The following CSMD2 variants were observed in gnomAD, a reference collection of about 807,000 sequenced individuals.
CSMD2 encodes the protein CUB and sushi domain-containing protein 2.
Under a neutral mutation model 398.5 loss-of-function variants are expected in CSMD2, and 130 were observed. The ratio of observed to expected loss-of-function variants is 0.33; its 90% CI spans 0.28 to 0.38. The LOEUF (loss-of-function observed/expected upper bound fraction) is 0.38, where lower values mean the gene tolerates loss of function less well. Among genes scored for constraint, CSMD2 ranks in the 10% least tolerant of loss-of-function variants. The pLI, the probability that CSMD2 is intolerant of heterozygous loss-of-function variation, is 1.00. For missense variants in CSMD2, 3,829 were observed against 4,764.9 expected, an observed-to-expected ratio of 0.80 and a Z score of 5.78; for synonymous variants, 1,828 against 1,908.5, an observed-to-expected ratio of 0.96 and a Z score of 1.10.
chr1:33,907,349 G>C (rs573485747), intron 5 of CSMD2, among the ~76,000 whole-genome samples: 3 of 151,118 alleles, frequency 2.0e-5, no homozygotes, highest in Non-Finnish European at 2.9e-5. Context: ...GGATGGTCTC[G>C]ATCTCCTGAC....
rs972268432 is a variant in CSMD2 at position 33,580,035 on chromosome 1, G to A, written c.7387+718C>T. ...TGTTTGCCTGGAATGTAGGCCAAAG[G>A]TAGCCAGGGGAAAGAGTGCTGAAAG... On this transcript the variant is annotated intron_variant, in intron 48 of 70. Transcript: ENST00000373381. 2.2e-4 allele frequency among the ~76,000 whole-genome samples: 33 copies of A among 152,150 alleles called. 1 individual carries two copies.
In CSMD2 at chr1:34,088,980, G is replaced by T; in HGVS notation, c.401C>A (p.Thr134Lys). ...DGPPQPENLR[T>K]RLTGFQLPAT... ...GGGAAGGTGGGCAGCATGGTACCTC[G>T]TACGCAGATTCTCTGGCTGGGGTGG... Residue 134 changes from threonine to lysine, a missense_variant, in exon 2 of 71, where the codon ACG becomes AAG. Coordinates refer to ENST00000373381, the MANE Select transcript of CSMD2 (RefSeq NM_001281956.2). 1 of 1,612,804 alleles carries T rather than the reference G, an allele frequency of 6.2e-7. No homozygotes were observed. The highest frequency in any genetic ancestry group is 8.5e-7 in the Non-Finnish European group (1 of 1,179,474).
At chr1:34,103,846 A>AT (rs1276095350) in intron 1 of CSMD2, among the ~76,000 whole-genome samples, 1 of 152,150 alleles carries the variant, frequency 6.6e-6, no homozygotes, top group Non-Finnish European at 1.5e-5. Flanking sequence ...TTTATGGTTT[A>AT]TTTTGGAAGT....
chr1:34,107,222 G>T (rs1242335510), intron 1 of CSMD2, among the ~76,000 whole-genome samples: 1 of 152,122 alleles, frequency 6.6e-6, no homozygotes, highest in Non-Finnish European at 1.5e-5. Context: ...CGGGACAATG[G>T]CTAAGCACAG....
intron 3 of CSMD2, among the ~76,000 whole-genome samples, chr1:33,972,096 T>G (rs757427993): frequency 6.7e-6 from 1 of 150,188 alleles, no homozygotes; most frequent in African/African-American, 2.5e-5. Flanking sequence ...ACCGCGGGAG[T>G]AGGTGGTGGG....
chr1:33,586,043 GA>G (rs1639062165), intron 46 of CSMD2, among the ~76,000 whole-genome samples: 1 of 152,208 alleles, frequency 6.6e-6, no homozygotes, highest in Non-Finnish European at 1.5e-5. Context: ...TCGCTGAAGC[GA>G]ATTCATTTCT....
intron 22 of CSMD2, among the ~76,000 whole-genome samples, chr1:33,705,112 T>A (rs1645733049): frequency 6.6e-6 from 1 of 152,096 alleles, no homozygotes; most frequent in Admixed American, 6.5e-5. Context: ...AAAATTTTTA[T>A]TTTAAATTAT....
chr1:33,621,417 T>G (rs962446358), intron 37 of CSMD2, among the ~76,000 whole-genome samples: 1 of 152,100 alleles, frequency 6.6e-6, no homozygotes, highest in African/African-American at 2.4e-5. Context: ...TGCACCTCTC[T>G]GTCTATGTGT....
At chr1:33,791,783 T>C (rs543322866) in intron 11 of CSMD2, among the ~76,000 whole-genome samples, 7 of 152,324 alleles carry the variant, frequency 4.6e-5, no homozygotes, top group African/African-American at 1.7e-4. Flanking sequence ...CCACCACGCT[T>C]GGCCTTTTTC....
At chr1:34,109,108 C>T (rs546569975) in intron 1 of CSMD2, among the ~76,000 whole-genome samples, 1 of 152,314 alleles carries the variant, frequency 6.6e-6, no homozygotes, top group East Asian at 1.9e-4. Flanking sequence ...CCAGAAGGTT[C>T]ACTCATGAAG....
chr1:33,517,537 AG>A, intron 70 of CSMD2, among the ~76,000 whole-genome samples: 1 of 152,324 alleles, frequency 6.6e-6, no homozygotes, highest in South Asian at 2.1e-4. Flanking sequence ...ACATCATCAG[AG>A]GGGATTTTTC....
chr1:34,140,571 T>A (rs1639200959), intron 1 of CSMD2, among the ~76,000 whole-genome samples: 2 of 152,260 alleles, frequency 1.3e-5, no homozygotes, highest in Admixed American at 1.3e-4. Flanking sequence ...GGTAAATGCA[T>A]CATGTATATC....
chr1:33,988,045 T>C lies in CSMD2; in HGVS notation c.517+44549A>G, dbSNP rs963918679. ...CAGAGCAAACACTTCATGTACCAAG[T>C]GCATTTAAGACTTTTCTTGAGCTGG... On this transcript the variant is annotated intron_variant, in intron 3 of 70. Transcript: ENST00000373381. 9.2e-5 allele frequency among the ~76,000 whole-genome samples: 14 copies of C among 152,206 alleles called. 1 individual carries two copies. The highest frequency in any genetic ancestry group is 2.9e-4 in the African/African-American group (12 of 41,448).
Position 33,573,634 on chromosome 1 carries a change from C to T in CSMD2, c.7577-943G>A, listed in dbSNP as rs146270338. Among the ~76,000 whole-genome samples, 22 of 151,664 alleles carry T rather than the reference C, an allele frequency of 1.5e-4. No homozygotes were observed. In the East Asian group the frequency reaches 3.5e-3, roughly 24 times the overall value. On this transcript the variant is annotated intron_variant, in intron 49 of 70. Coordinates refer to ENST00000373381, the MANE Select transcript of CSMD2 (RefSeq NM_001281956.2). ...TCTCAGAATATAGAAAAAAAAGAGA[C>T]CGAAAATGAGAGAAAATGACAGAAA... is the stretch of plus-strand genomic sequence containing the variant.
At chr1:33,934,657 A>G (rs1361735021) in intron 4 of CSMD2, among the ~76,000 whole-genome samples, 1 of 152,140 alleles carries the variant, frequency 6.6e-6, no homozygotes, top group African/African-American at 2.4e-5. Context: ...AAAACAGGTA[A>G]ATTTTCTTTC....
chr1:33,798,057 A>G (rs537013283), intron 10 of CSMD2, among the ~76,000 whole-genome samples: 2 of 152,336 alleles, frequency 1.3e-5, no homozygotes, highest in Admixed American at 1.3e-4. Flanking sequence ...ACGAGCCTCT[A>G]GTGCACAATG....
Position 33,825,720 on chromosome 1 carries a change from T to A in CSMD2, c.1088A>T (p.Asp363Val), listed in dbSNP as rs1434105210. ...SRGVKLMPSKDNSQKTSVLTQ... is the reference protein window; with the variant it reads ...SRGVKLMPSKVNSQKTSVLTQ... ...ACACACAGACGTCTTCTGGCTGTTG[T>A]CTTTGCTGGGCATCAGCTTCACACC... Residue 363 changes from aspartate (D) to valine (V), a missense_variant, in exon 7 of 71, where the codon GAC (aspartate) becomes GTC (valine). Physicochemically the swap from Asp to Val is radical, Grantham distance 152. Coordinates refer to ENST00000373381, the MANE Select transcript of CSMD2 (RefSeq NM_001281956.2). 6.2e-7 allele frequency: 1 copy of A among 1,613,588 alleles called. No homozygotes were observed. The highest frequency in any genetic ancestry group is 8.5e-7 in the Non-Finnish European group (1 of 1,179,892).
At chr1:33,765,922 G>A (rs1168265790) in intron 13 of CSMD2, among the ~76,000 whole-genome samples, 1 of 152,214 alleles carries the variant, frequency 6.6e-6, no homozygotes, top group Admixed American at 6.5e-5. Context: ...AGACAGGGCT[G>A]GAACCAGGTC....
rs745877596 is a variant in CSMD2 at position 33,692,888 on chromosome 1, T to A, written c.4052+42A>T. ...GTGATGATGCTGATGATGGCTCCCC[T>A]GAACAACTGGCGATAGTTACTTTGT... On this transcript the variant is annotated intron_variant, in intron 25 of 70. Coordinates refer to ENST00000373381, the MANE Select transcript of CSMD2 (RefSeq NM_001281956.2). 8.1e-6 allele frequency: 13 copies of A among 1,602,824 alleles called. No homozygotes were observed. In the Admixed American group the frequency reaches 1.9e-4, roughly 23 times the overall value.
Sources: gnomAD v4.1 joint callset for allele counts (sites outside exome capture counted in the v4.1 genomes callset) on GRCh38, gnomAD v4.1.1 for gene constraint, MANE v1.5 for transcripts, NCBI Gene and HGNC (gene_info 2026-07-23, HGNC 2026-07-21) for gene names.